Variants in STON2 observed in about 807,000 individuals in gnomAD.
STON2 encodes stonin-2.
A neutral mutation model predicts 65.7 loss-of-function variants in STON2; 29 were observed. That is an observed-to-expected ratio of 0.44 (90% confidence interval 0.33 to 0.60). The LOEUF (loss-of-function observed/expected upper bound fraction) is 0.60. Among genes scored for constraint, STON2 ranks in the 20% least tolerant of loss-of-function variants. STON2 has a pLI of 0.03. For synonymous variants in STON2, 404 were observed against 414.2 expected (o/e 0.98, Z 0.30); for missense variants, 1,054 against 1,118.1 (o/e 0.94, Z 0.82).
chr14:81,344,842 T>C (rs1436892489), intron 4 of STON2, among the ~76,000 whole-genome samples: 1 of 152,244 alleles, frequency 6.6e-6, no homozygotes, highest in African/African-American at 2.4e-5. Flanking sequence ...ATGATGTTTT[T>C]CATATCCTTT....
rs1894333847 is a variant in STON2 at position 81,265,692 on chromosome 14, A to C, written c.*2722T>G. The C allele has an allele frequency of 1.9e-6, 1 of 533,024 alleles. No homozygotes were observed. Among genetic ancestry groups the C allele is most frequent in the Non-Finnish European group, 2.4e-6 (1 of 422,912 alleles). 33.0% of individuals were successfully genotyped at this position (533,024 alleles called of 1,614,324 possible). On this transcript the variant is annotated 3_prime_UTR_variant, in exon 8 of 8. Transcript: ENST00000614646. ...AATAATAATACTCTGTCTCAATAAT[A>C]ATAATAATAATAATTTGTTTGCAGA... is the stretch of plus-strand genomic sequence containing the variant.
chr14:81,330,716 T>C (rs1484134643), intron 4 of STON2, among the ~76,000 whole-genome samples: 1 of 152,196 alleles, frequency 6.6e-6, no homozygotes, highest in East Asian at 1.9e-4. Flanking sequence ...TGGCTAATTA[T>C]TGCAGGTGTG....
intron 5 of STON2, among the ~76,000 whole-genome samples, chr14:81,310,618 T>C (rs1230777388): frequency 1.3e-5 from 2 of 152,250 alleles, no homozygotes. Context: ...GGACTTACTA[T>C]ATTCCAGGCC....
chr14:81,295,860 T>G (rs1042742131), intron 5 of STON2, among the ~76,000 whole-genome samples: 3 of 152,190 alleles, frequency 2.0e-5, no homozygotes, highest in South Asian at 2.1e-4. Context: ...GTTAGAAAAT[T>G]TGGAAGGTGC....
Position 81,399,524 on chromosome 14 carries a change from A to AT in STON2, c.-199+754dup, listed in dbSNP as rs533389562. Reference sequence around the variant, plus strand: ...TTAGGAAATTTTACTACAGGTTATCATCTGCAGTAAATAATCTCTAGGTGG... The same window carrying AT: ...TTAGGAAATTTTACTACAGGTTATCATTCTGCAGTAAATAATCTCTAGGTGG... On this transcript the variant is annotated intron_variant, in intron 1 of 7. Coordinates refer to ENST00000614646, the MANE Select transcript of STON2 (RefSeq NM_001394390.1). 2.6e-5 allele frequency among the ~76,000 whole-genome samples: 4 copies of AT among 152,336 alleles called. No individual in the cohort carries two copies. The South Asian group carries it at 8.3e-4, about 32-fold the overall frequency.
Position 81,277,388 on chromosome 14 carries a change from C to A in STON2, c.2094G>T (p.Lys698Asn), listed in dbSNP as rs1411404325. The change falls in exon 6 of 8, where the codon AAG (lysine) becomes AAT (asparagine). Residue 698 changes from lysine to asparagine, a missense_variant. By Grantham distance (94) the Lys-to-Asn change is moderately conservative. Coordinates refer to ENST00000614646, the MANE Select transcript of STON2 (RefSeq NM_001394390.1). Reference protein sequence around the residue: ...IMPTTTTKWIKLHECRFHGCV... With the variant: ...IMPTTTTKWINLHECRFHGCV... ...ACCCATGGAAACGGCACTCATGGAG[C>A]TTGATCCACTTTGTGGTGGTGGTGG... 4 of 1,614,066 alleles carry A rather than the reference C, an allele frequency of 2.5e-6. No homozygotes were observed. The East Asian group carries it at 8.9e-5, about 36-fold the overall frequency.
intron 4 of STON2, among the ~76,000 whole-genome samples, chr14:81,352,109 T>C (rs1383821398): frequency 6.6e-6 from 1 of 152,152 alleles, no homozygotes; most frequent in African/African-American, 2.4e-5. Flanking sequence ...ACTTCTTTAT[T>C]AACACATTAA....
Position 81,267,718 on chromosome 14 carries a change from C to G in STON2, c.*696G>C, listed in dbSNP as rs531306525. The G allele has an allele frequency of 1.9e-5, 19 of 985,394 alleles. No homozygotes were observed. The highest frequency in any genetic ancestry group is 9.4e-5 in the South Asian group (2 of 21,286). 61.0% of individuals were successfully genotyped at this position (985,394 alleles called of 1,614,324 possible). A position where few individuals can be genotyped will look rare whatever the true frequency, so the allele number is the denominator to read the frequency against. On this transcript the variant is annotated 3_prime_UTR_variant, in exon 8 of 8. Coordinates refer to ENST00000614646, the MANE Select transcript of STON2 (RefSeq NM_001394390.1). Reference sequence around the variant, plus strand: ...CCATTTTGCAGAATGTGGGTCCATTCACAAAATTAAAAAGTCTCCTATTGT... The same window carrying G: ...CCATTTTGCAGAATGTGGGTCCATTGACAAAATTAAAAAGTCTCCTATTGT...
chr14:81,279,033 T>A (rs1173428190), intron 5 of STON2, among the ~76,000 whole-genome samples: 1 of 152,220 alleles, frequency 6.6e-6, no homozygotes, highest in African/African-American at 2.4e-5. Flanking sequence ...CCTTATTTTA[T>A]AAAAGCTTCT....
Position 81,277,011 on chromosome 14 carries a change from C to T in STON2, c.2471G>A (p.Ser824Asn). 6.2e-7 allele frequency: 1 copy of T among 1,614,232 alleles called. No individual in the cohort carries two copies. Among genetic ancestry groups the T allele is most frequent in the South Asian group, 1.1e-5 (1 of 91,090 alleles). Reference sequence around the variant, plus strand: ...CATGACAGGCTCAGAGCCAGAAACACTAGTGGAGCCAAAACTTGCCCCCCG... The same window carrying T: ...CATGACAGGCTCAGAGCCAGAAACATTAGTGGAGCCAAAACTTGCCCCCCG... Reference protein sequence around the residue: ...VNRGASFGSTSVSGSEPVMRV... With the variant: ...VNRGASFGSTNVSGSEPVMRV... The change falls in exon 6 of 8, where the codon AGT becomes AAT. Residue 824 changes from serine (S) to asparagine (N), a missense_variant. Ser to Asn is a conservative substitution (Grantham distance 46). Transcript: ENST00000614646.
intron 4 of STON2, among the ~76,000 whole-genome samples, chr14:81,342,773 G>A (rs1476228100): frequency 6.6e-6 from 1 of 152,178 alleles, no homozygotes; most frequent in African/African-American, 2.4e-5. Flanking sequence ...CTAGAAGGGG[G>A]GGCATGGGGA....
At chr14:81,349,359 C>A (rs141594217) in intron 4 of STON2, among the ~76,000 whole-genome samples, 387 of 152,080 alleles carry the variant, frequency 2.5e-3, no homozygotes, top group Non-Finnish European at 4.5e-3. Flanking sequence ...GACTAATACT[C>A]GCATATATTA....
At chr14:81,402,249 A>C (rs1013239879), upstream of STON2, among the ~76,000 whole-genome samples, 9 of 152,160 alleles carry the variant, frequency 5.9e-5, no homozygotes, top group African/African-American at 2.2e-4. Flanking sequence ...TTTTTCAGCC[A>C]TCAGTACCTC....
At chr14:81,394,656 T>A (rs1319557392) in intron 3 of STON2, among the ~76,000 whole-genome samples, 1 of 152,024 alleles carries the variant, frequency 6.6e-6, no homozygotes, top group Non-Finnish European at 1.5e-5. Context: ...AAGGCAGATG[T>A]CAGGGAAAGA....
At chr14:81,283,492 A>T (rs1299450376) in intron 5 of STON2, among the ~76,000 whole-genome samples, 1 of 151,456 alleles carries the variant, frequency 6.6e-6, no homozygotes, top group Non-Finnish European at 1.5e-5. Context: ...ATATAAAGGC[A>T]TACCTCGTCT....
chr14:81,274,425 G>C (rs1595273514), intron 6 of STON2, among the ~76,000 whole-genome samples: 2 of 152,164 alleles, frequency 1.3e-5, no homozygotes, highest in East Asian at 3.9e-4. Flanking sequence ...TGAGGCAACA[G>C]AACACTCTCC....
chr14:81,427,958 C>T (rs938378449), intron 1 of STON2, among the ~76,000 whole-genome samples: 1 of 152,156 alleles, frequency 6.6e-6, no homozygotes, highest in African/African-American at 2.4e-5. Context: ...AAGCCCAGCT[C>T]CATTACAACC....
At chr14:81,404,602 C>T (rs371699430), upstream of STON2, among the ~76,000 whole-genome samples, 18 of 152,192 alleles carry the variant, frequency 1.2e-4, no homozygotes, top group African/African-American at 3.9e-4. Flanking sequence ...TCTGCAGGCC[C>T]ATGTGATCCT....
chr14:81,392,536 G>A (rs1190622213), intron 3 of STON2, among the ~76,000 whole-genome samples: 1 of 152,152 alleles, frequency 6.6e-6, no homozygotes, highest in East Asian at 1.9e-4. Flanking sequence ...ACCAGGTCCA[G>A]GTGGGCCAAG....
Sources: allele counts gnomAD v4.1 joint callset (sites outside exome capture counted in the v4.1 genomes callset), GRCh38; gene constraint gnomAD v4.1.1; transcripts MANE v1.5; gene names NCBI Gene and HGNC (gene_info 2026-07-23, HGNC 2026-07-21).